SLCO4C1: variants seen among roughly 807,000 people sequenced by gnomAD.
SLCO4C1 encodes the protein organic anion transporter M1.
In SLCO4C1, 58 loss-of-function variants were observed where a neutral mutation model predicts 72.1. The ratio of observed to expected loss-of-function variants is 0.80; its 90% confidence interval spans 0.65 to 1.00. The LOEUF is 1.00. Ranked by LOEUF, SLCO4C1 falls within the 50% of genes least tolerant of loss-of-function variation. The pLI is 0.00. For missense variants in SLCO4C1, 898 were observed against 857.9 expected (o/e 1.05, Z -0.58); for synonymous variants, 297 against 312.5 (o/e 0.95, Z 0.52).
At chr5:102,239,866 T>C (rs972031078) in intron 11 of SLCO4C1, among the ~76,000 whole-genome samples, 1 of 152,078 alleles carries the variant, frequency 6.6e-6, no homozygotes, top group African/African-American at 2.4e-5. Context: ...TATAGTCTTA[T>C]AATACCATAT....
chr5:102,253,619 C>T (rs1303695117), intron 8 of SLCO4C1, among the ~76,000 whole-genome samples: 1 of 151,964 alleles, frequency 6.6e-6, no homozygotes, highest in Non-Finnish European at 1.5e-5. Flanking sequence ...TCAGCCTGGT[C>T]AACATGGTGA....
At chr5:102,267,797 G>A (rs1047282165) in intron 3 of SLCO4C1, among the ~76,000 whole-genome samples, 2 of 151,438 alleles carry the variant, frequency 1.3e-5, no homozygotes, top group African/African-American at 2.4e-5. Context: ...CATAAGATTT[G>A]GTTTATTGTA....
Position 102,257,229 on chromosome 5 carries a change from T to C in SLCO4C1, c.1355A>G (p.Asn452Ser). The change falls in exon 8 of 13, where the codon AAC becomes AGC. Residue 452 changes from asparagine to serine, a missense_variant. Transcript: ENST00000310954. ...TGTGAACAGTGCAAACTTCATTGTG[T>C]TTTTACATGTCATTCTGAATTTTGA... The part of the protein sequence containing the change: ...LVSKFRMTCK[N>S]TMKFALFTSG... The C allele has an allele frequency of 3.7e-6, 6 of 1,611,114 alleles. No homozygotes were observed. The highest frequency in any genetic ancestry group is 5.1e-6 in the Non-Finnish European group (6 of 1,178,868).
rs780420189 is a variant in SLCO4C1 at position 102,263,769 on chromosome 5, C to T, written c.814G>A (p.Ala272Thr). Reference sequence around the variant, plus strand: ...ATAGCAGGGCCTAAGATTGACATAGCATAACCGGTTCCTAGAAGAAGAACA... The same window carrying T: ...ATAGCAGGGCCTAAGATTGACATAGTATAACCGGTTCCTAGAAGAAGAACA... Reference protein sequence around the residue: ...KSSLYIGTGYAMSILGPAIGY... With the variant: ...KSSLYIGTGYTMSILGPAIGY... Residue 272 changes from alanine (A) to threonine (T), a missense_variant, in exon 4 of 13, where the codon GCT (alanine) becomes ACT (threonine). Transcript: ENST00000310954. 1.2e-6 allele frequency: 2 copies of T among 1,612,028 alleles called. No individual in the cohort carries two copies. The highest frequency in any genetic ancestry group is 1.7e-6 in the Non-Finnish European group (2 of 1,178,710).
chr5:102,256,781 C>T (rs402846), intron 8 of SLCO4C1, among the ~76,000 whole-genome samples: 114,421 of 152,070 alleles, frequency 0.75, 43,102 homozygotes, highest in Middle Eastern at 0.84. Context: ...TTTCTAAAAA[C>T]TTAAATCAAT....
rs180824177 is a variant in SLCO4C1 at position 102,263,705 on chromosome 5, A to C, written c.878T>G (p.Ile293Ser). ...VLGGQLLTIY[I>S]DVAMGESTDV... ...TTGCCTTTCTCCCATAGCAACATCAATGTATATGGTTAGCAGTTGTCCTCC... is the reference window on the plus strand; with the variant it reads ...TTGCCTTTCTCCCATAGCAACATCACTGTATATGGTTAGCAGTTGTCCTCC... The change falls in exon 4 of 13, where the codon ATT becomes AGT. Residue 293 changes from isoleucine (I) to serine (S), a missense_variant. Coordinates refer to ENST00000310954, the MANE Select transcript of SLCO4C1 (RefSeq NM_180991.5). The C allele has an allele frequency of 7.4e-6, 12 of 1,612,736 alleles. No individual in the cohort carries two copies. The highest frequency in any genetic ancestry group is 1.0e-5 in the Non-Finnish European group (12 of 1,179,160).
intron 2 of SLCO4C1, among the ~76,000 whole-genome samples, chr5:102,283,419 G>C (rs1451383253): frequency 6.6e-6 from 1 of 151,916 alleles, no homozygotes; most frequent in Admixed American, 6.6e-5. Context: ...CTGCTAAAGT[G>C]CTGAATACTT....
chr5:102,275,990 A>C (rs1258601089), intron 2 of SLCO4C1, among the ~76,000 whole-genome samples: 2 of 152,174 alleles, frequency 1.3e-5, no homozygotes, highest in African/African-American at 4.8e-5. Context: ...AGAAGGTTAC[A>C]GTGGCACACA....
chr5:102,263,776 G>A lies in SLCO4C1; in HGVS notation c.807C>T (p.Thr269=), dbSNP rs749456120. 13 of 1,610,450 alleles carry A rather than the reference G, an allele frequency of 8.1e-6. No homozygotes were observed. Among genetic ancestry groups the A allele is most frequent in the South Asian group, 2.2e-5 (2 of 90,784 alleles). The change falls in exon 4 of 13, where the codon ACC becomes ACT. Residue 269 remains threonine (T), a synonymous_variant. Coordinates refer to ENST00000310954, the MANE Select transcript of SLCO4C1 (RefSeq NM_180991.5). ...PTHKSSLYIG[T]GYAMSILGPA... is the part of the protein sequence containing the mutation. ...GGCCTAAGATTGACATAGCATAACC[G>A]GTTCCTAGAAGAAGAACAGAGACAT...
intron 2 of SLCO4C1, among the ~76,000 whole-genome samples, chr5:102,287,534 CTTTTTTTTTTTTTT>C (rs148132091): frequency 2.5e-5 from 2 of 79,972 alleles, no homozygotes; most frequent in South Asian, 9.8e-4. Context: ...TTTTTCACTT[CTTTTTTTTTTTTTT>C]TTTTTTTTTG....
At chr5:102,277,664 G>A (rs1749270687) in intron 2 of SLCO4C1, among the ~76,000 whole-genome samples, 1 of 152,032 alleles carries the variant, frequency 6.6e-6, no homozygotes, top group Non-Finnish European at 1.5e-5. Context: ...GAGGCCAAGA[G>A]GTGAACTTGG....
At chr5:102,272,525 T>A (rs533664961) in intron 2 of SLCO4C1, among the ~76,000 whole-genome samples, 1 of 151,942 alleles carries the variant, frequency 6.6e-6, no homozygotes, top group Non-Finnish European at 1.5e-5. Flanking sequence ...AAATGGCTAG[T>A]AAGGGAGAAC....
chr5:102,245,364 C>T (rs1230146806), intron 10 of SLCO4C1, among the ~76,000 whole-genome samples: 1 of 151,780 alleles, frequency 6.6e-6, no homozygotes, highest in African/African-American at 2.4e-5. Context: ...ACATTCCATG[C>T]CAATGGAAAC....
Position 102,292,630 on chromosome 5 carries a change from C to A in SLCO4C1, c.356-1024G>T, listed in dbSNP as rs182265013. Among the ~76,000 whole-genome samples the A allele has an allele frequency of 7.4e-4, 85 of 114,304 alleles. 1 individual carries two copies. The highest frequency in any genetic ancestry group is 3.2e-3 in the African/African-American group (76 of 23,678). The allele number at this position is 114,304 out of a possible 152,430, so 75.0% of individuals were successfully genotyped here. On this transcript the variant is annotated intron_variant, in intron 1 of 12. Transcript: ENST00000310954. ...AACCACTTGCATTCTAAATTGTATG[C>A]AAAGTAAAAGAAAAAAACATATATT...
intron 8 of SLCO4C1, among the ~76,000 whole-genome samples, chr5:102,255,098 C>CTATATATCTATTT (rs1347795829): frequency 0.011 from 1,657 of 152,188 alleles, 15 homozygotes; most frequent in Non-Finnish European, 0.019. Context: ...TATATACACA[C>CTATATATCTATTT]ACATACATAA....
At chr5:102,267,807 A>G (rs1188255513) in intron 3 of SLCO4C1, among the ~76,000 whole-genome samples, 1 of 151,866 alleles carries the variant, frequency 6.6e-6, no homozygotes, top group East Asian at 1.9e-4. Context: ...GGTTTATTGT[A>G]TTTCTAATTT....
chr5:102,261,792 G>T, intron 5 of SLCO4C1, 120 bp downstream of exon 5: 1 of 997,326 alleles, frequency 1.0e-6, no homozygotes, highest in East Asian at 3.0e-5. Context: ...TACATAGGCA[G>T]ACAGTTGAGA....
In SLCO4C1 at chr5:102,260,431, C is replaced by T. The variant is rs150935968; in HGVS notation, c.1022-112G>A. On this transcript the variant is annotated intron_variant, in intron 5 of 12. Transcript: ENST00000310954. ...AAACGTGCTCTATCATTTTATTCTT[C>T]ATGTAAAAAAAGTGCTTACTTTTTA... is the stretch of plus-strand genomic sequence containing the variant. 996 of 225,058 alleles carry T rather than the reference C, an allele frequency of 4.4e-3. 10 individuals carry two copies. Among genetic ancestry groups the T allele is most frequent in the African/African-American group, 0.023 (949 of 41,944 alleles). The allele number at this position is 225,058 out of a possible 1,614,324, so 13.9% of individuals were successfully genotyped here.
chr5:102,290,197 C>A (rs1347445129), intron 2 of SLCO4C1, among the ~76,000 whole-genome samples: 1 of 152,132 alleles, frequency 6.6e-6, no homozygotes, highest in African/African-American at 2.4e-5. Flanking sequence ...AGAGAGGAAG[C>A]AAGAGAGCTA....
Sources: allele counts gnomAD v4.1 joint callset (sites outside exome capture counted in the v4.1 genomes callset), GRCh38; gene constraint gnomAD v4.1.1; transcripts MANE v1.5; gene names NCBI Gene and HGNC (gene_info 2026-07-23, HGNC 2026-07-21).